The following GRAMD2B variants were observed in gnomAD, a reference collection of about 807,000 sequenced individuals.
The protein encoded by GRAMD2B is GRAM domain containing 2B, also known as GRAM domain-containing protein 2B.
In GRAMD2B, 41 loss-of-function variants were observed where a neutral mutation model predicts 59.2. The ratio of observed to expected loss-of-function variants is 0.69; its 90% CI spans 0.54 to 0.90. The LOEUF is 0.90. Ranked by LOEUF, GRAMD2B falls within the 40% of genes least tolerant of loss-of-function variation. The probability of loss-of-function intolerance (pLI) is 0.00; values close to 1 mark genes in which losing one functional copy is unlikely to be tolerated. For missense variants in GRAMD2B, 424 were observed against 500.5 expected (o/e 0.85, Z 1.46); for synonymous variants, 161 against 182.7 (o/e 0.88, Z 0.96).
At chr5:126,468,018 ATTT>A (rs911505345) in intron 2 of GRAMD2B, among the ~76,000 whole-genome samples, 1 of 152,062 alleles carries the variant, frequency 6.6e-6, no homozygotes, top group Non-Finnish European at 1.5e-5. Context: ...CTTTGAACCA[ATTT>A]TTTTTAACTG....
chr5:126,380,085 TA>T (rs1452553061), intron 1 of GRAMD2B, among the ~76,000 whole-genome samples: 1 of 152,194 alleles, frequency 6.6e-6, no homozygotes, highest in African/African-American at 2.4e-5. Flanking sequence ...GATTTTTATA[TA>T]AGGTGGGAGA....
intron 1 of GRAMD2B, chr5:126,445,628 G>A (rs970172702): frequency 6.6e-6 from 1 of 151,682 alleles, no homozygotes. Context: ...GGTGGGGAGT[G>A]GGGGGTGAGG....
chr5:126,360,979 AT>A (rs1175576000), intron 1 of GRAMD2B, among the ~76,000 whole-genome samples: 1 of 152,184 alleles, frequency 6.6e-6, no homozygotes, highest in Admixed American at 6.5e-5. Context: ...GTTAGGTTTT[AT>A]GAGCTCCTTG....
At chr5:126,385,929 A>G (rs960769128) in intron 1 of GRAMD2B, among the ~76,000 whole-genome samples, 1 of 152,214 alleles carries the variant, frequency 6.6e-6, no homozygotes, top group African/African-American at 2.4e-5. Context: ...TTCTCTGTGG[A>G]AGAGAAAACA....
intron 1 of GRAMD2B, among the ~76,000 whole-genome samples, chr5:126,384,840 T>C (rs1358876850): frequency 6.6e-6 from 1 of 152,254 alleles, no homozygotes; most frequent in African/African-American, 2.4e-5. Context: ...AAGCCTGCCC[T>C]GGCACCAATC....
chr5:126,369,816 C>T (rs1754648403), upstream of GRAMD2B, among the ~76,000 whole-genome samples: 1 of 152,210 alleles, frequency 6.6e-6, no homozygotes. Context: ...TAACAGACTA[C>T]ATTTCACTGA....
Position 126,472,218 on chromosome 5 carries a change from G to A in GRAMD2B, c.316-20G>A, listed in dbSNP as rs750959362. On this transcript the variant is annotated intron_variant, in intron 3 of 13. Transcript: ENST00000285689. ...CAAGAAAGTGAGAATGGTGATGCTT[G>A]TATTTTGTTCTCATTGTAGTACAAG... The A allele has an allele frequency of 1.3e-6, 2 of 1,593,248 alleles. No individual in the cohort carries two copies. The highest frequency in any genetic ancestry group is 1.7e-5 in the Admixed American group (1 of 59,426).
At chr5:126,438,588 A>T (rs1315401567) in intron 1 of GRAMD2B, among the ~76,000 whole-genome samples, 1 of 152,180 alleles carries the variant, frequency 6.6e-6, no homozygotes, top group African/African-American at 2.4e-5. Context: ...CTTGAGGAAC[A>T]TGGAGAGTGT....
chr5:126,466,172 G>C (rs1354532120), intron 2 of GRAMD2B: 1 of 1,468,590 alleles, frequency 6.8e-7, no homozygotes, highest in Non-Finnish European at 9.1e-7. Context: ...TCTAAACTGA[G>C]TACAGAAATC....
At chr5:126,476,214 C>T (rs1479948789) in intron 5 of GRAMD2B, among the ~76,000 whole-genome samples, 6 of 151,968 alleles carry the variant, frequency 3.9e-5, no homozygotes, top group Admixed American at 1.3e-4. Flanking sequence ...AGGAGGTTGC[C>T]GTGAGCCAAG....
chr5:126,363,347 G>T (rs1754306443), intron 1 of GRAMD2B, among the ~76,000 whole-genome samples: 1 of 152,120 alleles, frequency 6.6e-6, no homozygotes, highest in Admixed American at 6.6e-5. Flanking sequence ...GGAGAAACTG[G>T]AACTCTCATC....
chr5:126,411,134 TTG>T (rs1276688457), intron 1 of GRAMD2B, among the ~76,000 whole-genome samples: 13 of 152,200 alleles, frequency 8.5e-5, no homozygotes, highest in Middle Eastern at 3.4e-3. Flanking sequence ...CAATTTTTGT[TTG>T]TGTTGCAGTT....
At chr5:126,482,809 A>G (rs1772137495) in intron 8 of GRAMD2B, among the ~76,000 whole-genome samples, 1 of 152,224 alleles carries the variant, frequency 6.6e-6, no homozygotes. Flanking sequence ...GGACATTTTA[A>G]TGACACCATT....
At chr5:126,382,646 C>T (rs10478737) in intron 1 of GRAMD2B, among the ~76,000 whole-genome samples, 14,152 of 152,154 alleles carry the variant, frequency 0.093, 779 homozygotes, top group South Asian at 0.26. Context: ...TCTCTGGAGG[C>T]TCCTTGATTT....
chr5:126,380,200 A>G (rs993772311), intron 1 of GRAMD2B, among the ~76,000 whole-genome samples: 9 of 152,138 alleles, frequency 5.9e-5, no homozygotes, highest in African/African-American at 2.2e-4. Context: ...TTGCCTTGTC[A>G]AAGATCAGTT....
chr5:126,456,283 T>C (rs1396665275), intron 1 of GRAMD2B, among the ~76,000 whole-genome samples: 2 of 152,100 alleles, frequency 1.3e-5, no homozygotes, highest in African/African-American at 2.4e-5. Context: ...CAATCACGGC[T>C]CACTGCAGCC....
chr5:126,445,434 C>T (rs1170963337), intron 1 of GRAMD2B: 1 of 152,136 alleles, frequency 6.6e-6, no homozygotes, highest in South Asian at 2.1e-4. Flanking sequence ...ATTTGTATTT[C>T]TCTAATGATC....
At chr5:126,478,690 G>A (rs963352770) in intron 6 of GRAMD2B, among the ~76,000 whole-genome samples, 4 of 150,706 alleles carry the variant, frequency 2.7e-5, no homozygotes, top group East Asian at 3.9e-4. Flanking sequence ...GCAGTGAGCT[G>A]AGATCGAGCA....
chr5:126,377,692 T>C (rs542135933), intron 1 of GRAMD2B, among the ~76,000 whole-genome samples: 90 of 152,316 alleles, frequency 5.9e-4, no homozygotes, highest in Non-Finnish European at 1.1e-3. Flanking sequence ...TGTATGGTAT[T>C]AGAATGGCTT....
Sources: gnomAD v4.1 joint callset for allele counts (sites outside exome capture counted in the v4.1 genomes callset) on GRCh38, gnomAD v4.1.1 for gene constraint, MANE v1.5 for transcripts, NCBI Gene and HGNC (gene_info 2026-07-23, HGNC 2026-07-21) for gene names.